The following AGBL1 variants were observed in gnomAD, a reference collection of about 807,000 sequenced individuals.
AGBL1 encodes the protein cytosolic carboxypeptidase 4.
Under a neutral mutation model 118.9 loss-of-function variants are expected in AGBL1, and 130 were observed. The ratio of observed to expected loss-of-function variants is 1.09; its 90% CI spans 0.95 to 1.26. The LOEUF (loss-of-function observed/expected upper bound fraction) is 1.26, where lower values mean the gene tolerates loss of function less well. Ranked by LOEUF, AGBL1 falls within the 50% of genes most tolerant of loss-of-function variation. AGBL1 has a pLI of 0.00. For synonymous variants in AGBL1, 555 were observed against 478.9 expected (o/e 1.16, Z -2.08); for missense variants, 1,584 against 1,298.1 (o/e 1.22, Z -3.38).
intron 16 of AGBL1, among the ~76,000 whole-genome samples, chr15:86,282,054 C>G (rs1458916481): frequency 1.3e-5 from 2 of 152,220 alleles, no homozygotes; most frequent in African/African-American, 2.4e-5. Flanking sequence ...CCCTTTCAAC[C>G]TGGCCTTGAC....
chr15:86,755,885 A>C (rs1289053262), intron 22 of AGBL1, among the ~76,000 whole-genome samples: 1 of 152,118 alleles, frequency 6.6e-6, no homozygotes, highest in East Asian at 1.9e-4. Context: ...CTACCAGGGC[A>C]ATCAGTCAGA....
chr15:86,850,376 T>C (rs1276489765), intron 22 of AGBL1, among the ~76,000 whole-genome samples: 1 of 152,234 alleles, frequency 6.6e-6, no homozygotes, highest in African/African-American at 2.4e-5. Flanking sequence ...CCCAGTCTTA[T>C]CTCTGCTCCT....
At chr15:86,479,859 G>T (rs2082625341) in intron 18 of AGBL1, among the ~76,000 whole-genome samples, 1 of 151,976 alleles carries the variant, frequency 6.6e-6, no homozygotes, top group South Asian at 2.1e-4. Flanking sequence ...TGATAGACTG[G>T]ATTAAGAAAA....
Position 86,628,728 on chromosome 15 carries a change from G to T in AGBL1, c.2995-45545G>T, listed in dbSNP as rs147415968. Reference sequence around the variant, plus strand: ...GGAGAATGGCATGAACCCGGGAGGCGGAGCTTGCAGTGAGCAGAGATTGCA... The same window carrying T: ...GGAGAATGGCATGAACCCGGGAGGCTGAGCTTGCAGTGAGCAGAGATTGCA... On this transcript the variant is annotated intron_variant, in intron 21 of 22. Coordinates refer to ENST00000614907, the MANE Select transcript of AGBL1 (RefSeq NM_001386094.1). Among the ~76,000 whole-genome samples, 784 of 152,148 alleles carry T rather than the reference G, an allele frequency of 5.2e-3. 4 individuals carry two copies. The highest frequency in any genetic ancestry group is 0.018 in the African/African-American group (752 of 41,492).
chr15:86,423,432 T>C (rs1596096508), intron 18 of AGBL1, among the ~76,000 whole-genome samples: 1 of 151,634 alleles, frequency 6.6e-6, no homozygotes, highest in South Asian at 2.1e-4. Flanking sequence ...ATCTCTATCA[T>C]ACTGAATAGC....
At chr15:86,677,939 ACTG>A (rs1384956113) in intron 22 of AGBL1, among the ~76,000 whole-genome samples, 26 of 152,178 alleles carry the variant, frequency 1.7e-4, no homozygotes, top group Non-Finnish European at 2.9e-5. Context: ...CCAGATAACT[ACTG>A]TCAGCATTAT....
At chr15:86,685,019 A>G (rs1213313553) in intron 22 of AGBL1, among the ~76,000 whole-genome samples, 2 of 152,216 alleles carry the variant, frequency 1.3e-5, no homozygotes, top group African/African-American at 4.8e-5. Context: ...AGGAGTTGTA[A>G]ACAAGCAATG....
intron 22 of AGBL1, among the ~76,000 whole-genome samples, chr15:86,834,820 C>T (rs2079150209): frequency 1.3e-5 from 2 of 152,130 alleles, no homozygotes; most frequent in Admixed American, 1.3e-4. Context: ...TGCTATGAGA[C>T]CTACATGGCA....
intron 22 of AGBL1, among the ~76,000 whole-genome samples, chr15:86,855,479 C>A (rs1221268715): frequency 6.6e-6 from 1 of 152,188 alleles, no homozygotes; most frequent in Non-Finnish European, 1.5e-5. Flanking sequence ...CCCAGTAGAT[C>A]TCTTGCTGAA....
intron 21 of AGBL1, among the ~76,000 whole-genome samples, chr15:86,624,551 C>T (rs371209353): frequency 2.4e-4 from 37 of 152,244 alleles, no homozygotes; most frequent in African/African-American, 8.2e-4. Context: ...GGAAGGTATT[C>T]TCAATTAAGG....
chr15:86,224,822 T>C (rs569633554), intron 5 of AGBL1, 92 bp from the exon 6 acceptor site: 1 of 1,214,076 alleles, frequency 8.2e-7, no homozygotes, highest in East Asian at 2.3e-5. Flanking sequence ...GGGTCTGTTA[T>C]GGGGTGGCAA....
chr15:86,852,039 T>A (rs7179999), intron 22 of AGBL1, among the ~76,000 whole-genome samples: 51,495 of 152,028 alleles, frequency 0.34, 9,069 homozygotes, highest in African/African-American at 0.43. Flanking sequence ...GTTGGATGGA[T>A]GAATGGATGG....
At chr15:86,749,007 C>T (rs1023055375) in intron 22 of AGBL1, among the ~76,000 whole-genome samples, 2 of 151,866 alleles carry the variant, frequency 1.3e-5, no homozygotes, top group African/African-American at 4.8e-5. Flanking sequence ...TTTTTTGGTT[C>T]CATATGAACT....
At chr15:86,692,528 G>T (rs140308396) in intron 22 of AGBL1, among the ~76,000 whole-genome samples, 4 of 152,094 alleles carry the variant, frequency 2.6e-5, no homozygotes, top group Admixed American at 6.5e-5. Context: ...CAATGGCTTC[G>T]CAAGGAGGGA....
intron 22 of AGBL1, among the ~76,000 whole-genome samples, chr15:86,801,273 T>C (rs915189596): frequency 3.3e-5 from 5 of 151,960 alleles, no homozygotes; most frequent in Non-Finnish European, 5.9e-5. Flanking sequence ...AAAGAGAATA[T>C]GCATGTTTTT....
chr15:86,403,481 AT>A (rs2081478112), intron 18 of AGBL1, among the ~76,000 whole-genome samples: 1 of 152,128 alleles, frequency 6.6e-6, no homozygotes, highest in Non-Finnish European at 1.5e-5. Context: ...AATCTTGACC[AT>A]TTTAACAATC....
At chr15:86,756,938 C>A (rs1339012768) in intron 22 of AGBL1, among the ~76,000 whole-genome samples, 4 of 144,150 alleles carry the variant, frequency 2.8e-5, no homozygotes, top group Non-Finnish European at 4.5e-5. Context: ...ATCCAATAAA[C>A]ATGTCTTTTT....
chr15:86,097,146 G>T (rs1488660964), intron 1 of AGBL1, among the ~76,000 whole-genome samples: 2 of 152,052 alleles, frequency 1.3e-5, no homozygotes. Context: ...ATGTTATTGG[G>T]ATTGCTATTC....
At chr15:86,896,735 T>G (rs1335162949) in intron 22 of AGBL1, among the ~76,000 whole-genome samples, 1 of 152,212 alleles carries the variant, frequency 6.6e-6, no homozygotes, top group Non-Finnish European at 1.5e-5. Context: ...TTTTATTAGT[T>G]ATAGCATCAC....
Sources: allele counts gnomAD v4.1 joint callset (sites outside exome capture counted in the v4.1 genomes callset), GRCh38; gene constraint gnomAD v4.1.1; transcripts MANE v1.5; gene names NCBI Gene and HGNC (gene_info 2026-07-23, HGNC 2026-07-21).